LATS1: variants seen among roughly 807,000 people sequenced by gnomAD.
LATS1 encodes the protein serine/threonine-protein kinase LATS1.
A neutral mutation model predicts 106.6 loss-of-function variants in LATS1; 25 were observed. That is an observed-to-expected ratio of 0.23 (90% CI 0.17 to 0.33). The LOEUF (loss-of-function observed/expected upper bound fraction) is 0.33, where lower values mean the gene tolerates loss of function less well. Among genes scored for constraint, LATS1 ranks in the 10% least tolerant of loss-of-function variants. The probability of loss-of-function intolerance (pLI) is 1.00; values close to 1 mark genes in which losing one functional copy is unlikely to be tolerated. For missense variants in LATS1, 1,040 were observed against 1,382.6 expected, an observed-to-expected ratio of 0.75 and a Z score of 3.93; for synonymous variants, 465 against 455.6, an observed-to-expected ratio of 1.02 and a Z score of -0.26.
rs146736239 is a variant in LATS1, at chr6:149,687,339, C to T, written c.497-2747G>A. Among the ~76,000 whole-genome samples the T allele has an allele frequency of 2.5e-3, 385 of 152,318 alleles. 1 individual carries two copies. Among genetic ancestry groups the T allele is most frequent in the African/African-American group, 8.9e-3 (369 of 41,566 alleles). On this transcript the variant is annotated intron_variant, in intron 3 of 7. Transcript: ENST00000543571. ...CTCCTGACCTCAGGTGATCCGCCCACCTCAGCATCCCAAAGTGTTGGGATT... is the reference window on the plus strand; with the variant it reads ...CTCCTGACCTCAGGTGATCCGCCCATCTCAGCATCCCAAAGTGTTGGGATT...
chr6:149,674,626 G>A (rs1264656336), intron 7 of LATS1, among the ~76,000 whole-genome samples: 1 of 147,782 alleles, frequency 6.8e-6, no homozygotes, highest in Non-Finnish European at 1.5e-5. Flanking sequence ...TGTCTGCCAC[G>A]ACCTTGCAAA....
Position 149,683,051 on chromosome 6 carries a change from TA to T in LATS1, c.2010+27del, listed in dbSNP as rs1782145103. On this transcript the variant is annotated intron_variant, in intron 4 of 7. Coordinates refer to ENST00000543571, the MANE Select transcript of LATS1 (RefSeq NM_004690.4). Reference sequence around the variant, plus strand: ...CACCAAGCAAACAGATGATTAAGTATAAAAATGGACATTTTAAAAGGTTTTA... The same window carrying T: ...CACCAAGCAAACAGATGATTAAGTATAAAATGGACATTTTAAAAGGTTTTA... 3.8e-6 allele frequency: 6 copies of T among 1,563,398 alleles called. No homozygotes were observed. The East Asian group carries it at 1.1e-4, about 29-fold the overall frequency.
At chr6:149,685,638 A>C (rs779404533) in intron 3 of LATS1, among the ~76,000 whole-genome samples, 7 of 152,138 alleles carry the variant, frequency 4.6e-5, no homozygotes, top group Non-Finnish European at 1.0e-4. Context: ...TGCCCTCCTA[A>C]GCCTTCCAAA....
chr6:149,676,830 C>T, intron 5 of LATS1, 93 bp from the exon 6 acceptor site: 1 of 1,106,300 alleles, frequency 9.0e-7, no homozygotes, highest in Non-Finnish European at 1.3e-6. Flanking sequence ...TTAGGGTTAA[C>T]AACATTCTCC....
rs1441465992 is a variant in LATS1 at position 149,694,074 on chromosome 6, A to C, written c.496+1000T>G. Among the ~76,000 whole-genome samples the C allele has an allele frequency of 3.3e-5, 5 of 152,344 alleles. No homozygotes were observed. In the East Asian group the frequency reaches 9.6e-4, roughly 29 times the overall value. The stretch of plus-strand genomic sequence containing the variant: ...CACTGTACTCCAGCCTGGGCAACAG[A>C]GTGAAACTCCATCTCAAAAAAATAA... On this transcript the variant is annotated intron_variant, in intron 3 of 7. Transcript: ENST00000543571.
At position 149,701,799 on chromosome 6, in the gene LATS1, G is replaced by C. The variant is rs772273951; in HGVS notation, c.328C>G (p.Gln110Glu). The change falls in exon 2 of 8, where the codon CAA becomes GAA. Residue 110 changes from glutamine to glutamate, a missense_variant. Coordinates refer to ENST00000543571, the MANE Select transcript of LATS1 (RefSeq NM_004690.4). ...CTTACCTCATCAAATCCAGCAGCTT[G>C]CAAGTCTTGAAGCATTTGTGGATTA... ...EVNPQMLQDL[Q>E]AAGFDEDMVI... 3 of 1,611,486 alleles carry C rather than the reference G, an allele frequency of 1.9e-6. No homozygotes were observed. Among genetic ancestry groups the C allele is most frequent in the African/African-American group, 1.3e-5 (1 of 74,796 alleles).
chr6:149,662,105 G>C lies in LATS1; in HGVS notation c.3017C>G (p.Ala1006Gly). The change falls in exon 8 of 8, where the codon GCT becomes GGT. Residue 1006 changes from alanine (A) to glycine (G), a missense_variant. Around this residue, in one of 7 missense-constraint regions of LATS1, gnomAD observed 113 missense variants for 146.3 expected, o/e 0.77. Transcript: ENST00000543571. Reference sequence around the variant, plus strand: ...GTCAATTGTTTTAAAAAATGGATGAGCTTTTATTTCATCAGCACCATTCTT... The same window carrying C: ...GTCAATTGTTTTAAAAAATGGATGACCTTTTATTTCATCAGCACCATTCTT... ...LGKNGADEIK[A>G]HPFFKTIDFS... The C allele has an allele frequency of 1.2e-6, 2 of 1,614,112 alleles. No individual in the cohort carries two copies. Among genetic ancestry groups the C allele is most frequent in the African/African-American group, 1.3e-5 (1 of 75,026 alleles).
At chr6:149,698,760 C>G (rs1783262700) in intron 2 of LATS1, among the ~76,000 whole-genome samples, 4 of 151,808 alleles carry the variant, frequency 2.6e-5, no homozygotes, top group African/African-American at 7.3e-5. Context: ...CGGAGTTTCA[C>G]CATATTGGCC....
intron 1 of LATS1, chr6:149,717,517 C>G (rs1458854753): frequency 2.0e-5 from 3 of 153,276 alleles, no homozygotes; most frequent in Admixed American, 6.5e-5. Context: ...CCGTTCCTTC[C>G]CTCCTGGACA....
At chr6:149,685,803 CA>C (rs11316486) in intron 3 of LATS1, among the ~76,000 whole-genome samples, 66,429 of 144,608 alleles carry the variant, frequency 0.46, 15,587 homozygotes, top group East Asian at 0.81. Context: ...ATAAAACAAG[CA>C]AAAAAAAAAA....
chr6:149,702,444 T>C, intron 1 of LATS1, 178 bp from the exon 2 acceptor site: 1 of 221,324 alleles, frequency 4.5e-6, no homozygotes, highest in Non-Finnish European at 8.8e-6. Context: ...CTTCCTAGCC[T>C]ATAACCTAGA....
chr6:149,663,249 G>A (rs545387441), intron 7 of LATS1, among the ~76,000 whole-genome samples: 8 of 152,256 alleles, frequency 5.3e-5, no homozygotes, highest in Admixed American at 2.6e-4. Flanking sequence ...TTGGGAGGCC[G>A]AGGTAGATGA....
Position 149,680,282 on chromosome 6 carries a change from G to A in LATS1, c.2186C>T (p.Ala729Val). The change falls in exon 5 of 8, where the codon GCT becomes GTT. Residue 729 changes from alanine (A) to valine (V), a missense_variant. By Grantham distance (64) the Ala-to-Val change is moderately conservative. Transcript: ENST00000543571. ...TCGAAGAGTTTTTGTTGCATACAAA[G>A]CCTTAGTATCTACTTTTCTTGCTAG... Reference protein sequence around the residue: ...VCLARKVDTKALYATKTLRKK... With the variant: ...VCLARKVDTKVLYATKTLRKK... 1 of 1,613,732 alleles carries A rather than the reference G, an allele frequency of 6.2e-7. No individual in the cohort carries two copies.
At chr6:149,705,043 G>C (rs1783685680) in intron 1 of LATS1, among the ~76,000 whole-genome samples, 1 of 149,792 alleles carries the variant, frequency 6.7e-6, no homozygotes, top group Non-Finnish European at 1.5e-5. Flanking sequence ...AATTAGCTAT[G>C]AATCAATCAA....
At position 149,701,992 on chromosome 6, in the gene LATS1, A is replaced by G. The variant is rs1399070022; in HGVS notation, c.135T>C (p.Ser45=). The G allele has an allele frequency of 6.2e-7, 1 of 1,614,166 alleles. No individual in the cohort carries two copies. The highest frequency in any genetic ancestry group is 2.2e-5 in the East Asian group (1 of 44,882). Residue 45 remains serine (S), a synonymous_variant, in exon 2 of 8, where the codon TCT becomes TCC. Coordinates refer to ENST00000543571, the MANE Select transcript of LATS1 (RefSeq NM_004690.4). ...RESLRNLSKP[S]DAAKAEHNMS... ...TGTTATGCTCAGCCTTAGCAGCATCAGATGGTTTAGATAAATTCCTAAGGG... is the reference window on the plus strand; with the variant it reads ...TGTTATGCTCAGCCTTAGCAGCATCGGATGGTTTAGATAAATTCCTAAGGG...
At chr6:149,697,107 C>G in intron 2 of LATS1, 3 of 1,332,564 alleles carry the variant, frequency 2.3e-6, no homozygotes, top group Non-Finnish European at 3.0e-6. Flanking sequence ...CTAGAGGATT[C>G]AGTATTTCAA....
In LATS1 at chr6:149,680,465, A is replaced by T. The variant is rs200178297; in HGVS notation, c.2011-8T>A. The T allele has an allele frequency of 9.2e-4, 1,420 of 1,546,006 alleles. 1 individual carries two copies. The highest frequency in any genetic ancestry group is 1.1e-3 in the Non-Finnish European group (1,290 of 1,137,534). On this transcript the variant is annotated splice_polypyrimidine_tract_variant and splice_region_variant and intron_variant, in intron 4 of 7. Transcript: ENST00000543571. ...ATCTTGAGATAATCCAACCTAGGCAAATAAACTAGATGTTAAATAAGAATT... is the reference window on the plus strand; with the variant it reads ...ATCTTGAGATAATCCAACCTAGGCATATAAACTAGATGTTAAATAAGAATT...
chr6:149,680,341 C>T lies in LATS1; in HGVS notation c.2127G>A (p.Lys709=), dbSNP rs1781964414. ...KMDKSMFVKI[K]TLGIGAFGEV... is the part of the protein sequence containing the mutation. ...CACCAAATGCTCCTATTCCTAGTGT[C>T]TTTATCTTCACAAACATAGACTTGT... The change falls in exon 5 of 8, where the codon AAG becomes AAA. Residue 709 remains lysine (K), a synonymous_variant. Transcript: ENST00000543571. 4 of 1,613,766 alleles carry T rather than the reference C, an allele frequency of 2.5e-6. No homozygotes were observed. Among genetic ancestry groups the T allele is most frequent in the African/African-American group, 1.3e-5 (1 of 74,914 alleles).
chr6:149,698,343 A>G (rs1452930411), intron 2 of LATS1, among the ~76,000 whole-genome samples: 1 of 150,432 alleles, frequency 6.6e-6, no homozygotes, highest in Non-Finnish European at 1.5e-5. Flanking sequence ...CCTGGGTTTG[A>G]GTGATCCTCC....
Sources: gnomAD v4.1 joint callset for allele counts (sites outside exome capture counted in the v4.1 genomes callset) on GRCh38, gnomAD v4.1.1 for gene constraint, gnomAD v4.1.1 regional missense constraint, MANE v1.5 for transcripts, NCBI Gene and HGNC (gene_info 2026-07-23, HGNC 2026-07-21) for gene names.